Variants in CSMD3 observed in about 807,000 individuals in gnomAD.
CSMD3 encodes CUB and sushi domain-containing protein 3.
CSMD3 carries 177 observed loss-of-function variants against 435.2 expected under a neutral mutation model. The observed-to-expected ratio is 0.41, with a 90% CI of 0.36 to 0.46. The LOEUF (loss-of-function observed/expected upper bound fraction) is 0.46. Among genes scored for constraint, CSMD3 ranks in the 20% least tolerant of loss-of-function variants. The pLI is 0.34. For synonymous variants in CSMD3, 1,656 were observed against 1,520.5 expected (o/e 1.09, Z -2.07); for missense variants, 4,265 against 4,504.6 (o/e 0.95, Z 1.52).
At chr8:113,279,179 A>T (rs1463400345) in intron 2 of CSMD3, among the ~76,000 whole-genome samples, 2 of 150,606 alleles carry the variant, frequency 1.3e-5, no homozygotes, top group Non-Finnish European at 3.0e-5. Flanking sequence ...AAGAGCGATA[A>T]CATAGTATGA....
intron 6 of CSMD3, among the ~76,000 whole-genome samples, chr8:112,992,869 C>G (rs978487310): frequency 6.6e-6 from 1 of 150,826 alleles, no homozygotes; most frequent in African/African-American, 2.4e-5. Context: ...TGGTAGTTTG[C>G]TGCTATAAGA....
At chr8:112,937,367 T>C (rs75420268) in intron 9 of CSMD3, among the ~76,000 whole-genome samples, 3 of 151,518 alleles carry the variant, frequency 2.0e-5, no homozygotes, top group Non-Finnish European at 4.4e-5. Context: ...TTTTTTTTTT[T>C]TGAGACAGAG....
At chr8:112,258,025 T>TG (rs1815972339) in intron 61 of CSMD3, among the ~76,000 whole-genome samples, 2 of 152,008 alleles carry the variant, frequency 1.3e-5, no homozygotes, top group Non-Finnish European at 2.9e-5. Context: ...AAACAAGCAA[T>TG]AGGGAAAGGA....
chr8:112,443,432 C>A (rs900550372), intron 32 of CSMD3, among the ~76,000 whole-genome samples: 8 of 152,036 alleles, frequency 5.3e-5, no homozygotes, highest in African/African-American at 1.7e-4. Flanking sequence ...TCAACAAAAT[C>A]AAATTTGCAA....
chr8:112,244,358 C>G (rs1321097911), intron 65 of CSMD3, 36 bp downstream of exon 65: 1 of 1,550,384 alleles, frequency 6.5e-7, no homozygotes, highest in Non-Finnish European at 8.9e-7. Flanking sequence ...ATAGTGCAAT[C>G]TCTTGTGTTA....
intron 3 of CSMD3, among the ~76,000 whole-genome samples, chr8:113,209,741 T>C (rs1447214982): frequency 6.6e-6 from 1 of 152,126 alleles, no homozygotes; most frequent in African/African-American, 2.4e-5. Context: ...CTAATTTTAT[T>C]CAGTTATTTA....
intron 4 of CSMD3, among the ~76,000 whole-genome samples, chr8:113,133,751 A>T (rs2091344825): frequency 6.6e-6 from 1 of 152,110 alleles, no homozygotes. Flanking sequence ...TATTGTCTTA[A>T]AAGGAAGAAA....
chr8:113,318,038 C>G (rs1189992949), intron 1 of CSMD3, among the ~76,000 whole-genome samples: 1 of 152,150 alleles, frequency 6.6e-6, no homozygotes, highest in Non-Finnish European at 1.5e-5. Flanking sequence ...GTAAAAACAA[C>G]TCTGTACATA....
intron 22 of CSMD3, among the ~76,000 whole-genome samples, chr8:112,617,677 T>C (rs1291116529): frequency 3.3e-5 from 5 of 152,144 alleles, no homozygotes; most frequent in African/African-American, 1.2e-4. Flanking sequence ...CTGTTATGAG[T>C]CAAGTTCTAG....
chr8:113,268,806 A>G (rs962633962), intron 3 of CSMD3, among the ~76,000 whole-genome samples: 1 of 152,088 alleles, frequency 6.6e-6, no homozygotes, highest in Non-Finnish European at 1.5e-5. Flanking sequence ...CACTAATGGA[A>G]AAAATGTGGC....
At chr8:113,021,963 T>C (rs569785461) in intron 5 of CSMD3, among the ~76,000 whole-genome samples, 1 of 152,262 alleles carries the variant, frequency 6.6e-6, no homozygotes, top group African/African-American at 2.4e-5. Flanking sequence ...ACAGCATCCC[T>C]CTGCCACCAG....
intron 24 of CSMD3, among the ~76,000 whole-genome samples, chr8:112,564,909 A>G (rs1366434370): frequency 6.6e-6 from 1 of 152,078 alleles, no homozygotes; most frequent in Admixed American, 6.6e-5. Flanking sequence ...TTTTCTAAAC[A>G]TTTTAAAGTT....
At chr8:112,283,582 T>G (rs1818881137) in intron 58 of CSMD3, among the ~76,000 whole-genome samples, 1 of 151,656 alleles carries the variant, frequency 6.6e-6, no homozygotes, top group Non-Finnish European at 1.5e-5. Context: ...TAATTTACTC[T>G]TTTTTATTTC....
intron 10 of CSMD3, among the ~76,000 whole-genome samples, chr8:112,920,708 A>C (rs974922383): frequency 2.0e-5 from 3 of 151,842 alleles, no homozygotes; most frequent in Admixed American, 6.6e-5. Flanking sequence ...TTACTTATTA[A>C]AACTCAACTA....
chr8:112,639,852 G>A lies in CSMD3; in HGVS notation c.3311-941C>T, dbSNP rs751653969. Among the ~76,000 whole-genome samples the A allele has an allele frequency of 5.3e-5, 8 of 151,946 alleles. No homozygotes were observed. The South Asian group carries it at 6.2e-4, about 12-fold the overall frequency. ...TCAACTGTTGATGGTCACTTAAGTC[G>A]TTTGCGTTTTACCACAAATGTAAAT... On this transcript the variant is annotated intron_variant, in intron 20 of 70. Coordinates refer to ENST00000297405, the MANE Select transcript of CSMD3 (RefSeq NM_198123.2).
chr8:113,390,369 A>C (rs2094456584), intron 1 of CSMD3, among the ~76,000 whole-genome samples: 1 of 151,794 alleles, frequency 6.6e-6, no homozygotes, highest in Admixed American at 6.6e-5. Context: ...TTTCTCTCCT[A>C]ACTTCTTAAA....
intron 3 of CSMD3, among the ~76,000 whole-genome samples, chr8:113,189,209 T>C (rs2092550718): frequency 6.6e-6 from 1 of 151,998 alleles, no homozygotes; most frequent in East Asian, 1.9e-4. Context: ...GTTTTGTTAC[T>C]GGTTGTAGTT....
chr8:112,523,491 GGTATTC>G (rs1824526544), intron 27 of CSMD3, among the ~76,000 whole-genome samples: 1 of 151,810 alleles, frequency 6.6e-6, no homozygotes, highest in South Asian at 2.1e-4. Context: ...GGCCAAATTT[GGTATTC>G]ACAGTTTCTC....
chr8:112,693,823 ACTT>A (rs2076192386), intron 13 of CSMD3, among the ~76,000 whole-genome samples: 2 of 151,736 alleles, frequency 1.3e-5, no homozygotes, highest in South Asian at 4.1e-4. Context: ...CAAACTTTCA[ACTT>A]CTCATTTTTA....
Sources: gnomAD v4.1 joint callset for allele counts (sites outside exome capture counted in the v4.1 genomes callset) on GRCh38, gnomAD v4.1.1 for gene constraint, MANE v1.5 for transcripts, NCBI Gene and HGNC (gene_info 2026-07-23, HGNC 2026-07-21) for gene names.